The following ZFAT variants were observed in gnomAD, a reference collection of about 807,000 sequenced individuals.
ZFAT encodes zinc finger and AT-hook domain containing, also known as zinc finger protein ZFAT.
ZFAT carries 64 observed loss-of-function variants against 117.7 expected under a neutral mutation model. The observed-to-expected ratio is 0.54, with a 90% CI of 0.44 to 0.67. The LOEUF is 0.67. Among genes scored for constraint, ZFAT ranks in the 30% least tolerant of loss-of-function variants. The probability of loss-of-function intolerance (pLI) is 0.00; values close to 1 mark genes in which losing one functional copy is unlikely to be tolerated. For synonymous variants in ZFAT, 679 were observed against 615.0 expected (o/e 1.10, Z -1.54); for missense variants, 1,433 against 1,584.5 (o/e 0.90, Z 1.62).
At chr8:134,556,914 T>C (rs759448323) in intron 11 of ZFAT, among the ~76,000 whole-genome samples, 25 of 152,042 alleles carry the variant, frequency 1.6e-4, no homozygotes, top group Non-Finnish European at 3.4e-4. Context: ...AAAAATATTT[T>C]AATATTTTAA....
chr8:134,661,719 A>T (rs1257004738), intron 1 of ZFAT, among the ~76,000 whole-genome samples: 1 of 152,218 alleles, frequency 6.6e-6, no homozygotes, highest in African/African-American at 2.4e-5. Context: ...CCAAGCAGGC[A>T]TGACACCATC....
the ZFAT span, among the ~76,000 whole-genome samples, chr8:134,736,447 G>T: frequency 1.6e-4 from 25 of 152,186 alleles, no homozygotes; most frequent in South Asian, 2.1e-4. Flanking sequence ...CAACAAAGTT[G>T]TCATCTTTGT....
intron 12 of ZFAT, among the ~76,000 whole-genome samples, chr8:134,532,013 G>A (rs1037356261): frequency 4.6e-5 from 7 of 152,182 alleles, no homozygotes; most frequent in African/African-American, 1.4e-4. Context: ...GCAGCTAACT[G>A]TGTGCTGCAA....
chr8:134,599,171 G>C (rs1827202290), intron 7 of ZFAT: 1 of 152,292 alleles, frequency 6.6e-6, no homozygotes, highest in African/African-American at 2.4e-5. Flanking sequence ...TACTCAAAGA[G>C]AGAGAGACAG....
At chr8:134,523,528 T>C (rs571154537) in intron 12 of ZFAT, among the ~76,000 whole-genome samples, 5 of 152,310 alleles carry the variant, frequency 3.3e-5, no homozygotes, top group Admixed American at 1.3e-4. Flanking sequence ...TCCTCCACTG[T>C]TGGTCCACTT....
intron 15 of ZFAT, among the ~76,000 whole-genome samples, chr8:134,503,607 G>A (rs956474545): frequency 1.1e-4 from 16 of 152,178 alleles, no homozygotes; most frequent in African/African-American, 3.9e-4. Flanking sequence ...ACTGAATAAA[G>A]CAAATGGCCC....
intron 1 of ZFAT, among the ~76,000 whole-genome samples, chr8:134,670,164 C>A (rs1353533001): frequency 6.6e-6 from 1 of 152,218 alleles, no homozygotes; most frequent in Non-Finnish European, 1.5e-5. Flanking sequence ...GAGACTGTAA[C>A]ACCCCACTGT....
In ZFAT at chr8:134,565,079, G is replaced by A. The variant is rs1418050898; in HGVS notation, c.2976+254C>T. The A allele has an allele frequency of 2.1e-5, 31 of 1,459,602 alleles. 1 individual carries two copies. The highest frequency in any genetic ancestry group is 4.8e-5 in the South Asian group (4 of 82,538). 90.4% of individuals were successfully genotyped at this position (1,459,602 alleles called of 1,614,324 possible). On this transcript the variant is annotated intron_variant, in intron 11 of 15. Transcript: ENST00000377838. ...ACTCCAGTGCTTTTATGCAAAGATC[G>A]TGCCTTTTCTTCTGTCTGCATCCTC...
the ZFAT span, among the ~76,000 whole-genome samples, chr8:134,755,554 G>A: frequency 6.6e-6 from 1 of 151,956 alleles, no homozygotes; most frequent in South Asian, 2.1e-4. Context: ...GCTCATGCCT[G>A]TAATCCCCGC....
chr8:134,711,621 C>CA (rs1814001826), intron 1 of ZFAT, among the ~76,000 whole-genome samples: 1 of 151,880 alleles, frequency 6.6e-6, no homozygotes, highest in Non-Finnish European at 1.5e-5. Flanking sequence ...GACTCTGTCC[C>CA]AAAAAATTAA....
At chr8:134,556,256 C>A (rs1178524800) in intron 11 of ZFAT, among the ~76,000 whole-genome samples, 1 of 151,848 alleles carries the variant, frequency 6.6e-6, no homozygotes, top group Non-Finnish European at 1.5e-5. Flanking sequence ...ACTATACAAA[C>A]TGAAACATAA....
At chr8:134,546,357 C>A (rs1166411863) in intron 11 of ZFAT, among the ~76,000 whole-genome samples, 2 of 152,178 alleles carry the variant, frequency 1.3e-5, no homozygotes, top group Non-Finnish European at 1.5e-5. Flanking sequence ...AGCACTTCTG[C>A]AGCTGAGGAA....
intron 1 of ZFAT, among the ~76,000 whole-genome samples, chr8:134,671,117 T>A (rs574867035): frequency 2.0e-5 from 3 of 152,228 alleles, no homozygotes; most frequent in African/African-American, 7.2e-5. Context: ...ATTAATAGCA[T>A]ACCAACCAAA....
rs530280166 is a variant in ZFAT at position 134,652,375 on chromosome 8, T to A, written c.196+5186A>T. On this transcript the variant is annotated intron_variant, in intron 2 of 15. Transcript: ENST00000377838. Reference sequence around the variant, plus strand: ...GATTTCTTTACAAAGAAATCTAAAGTGTATTCTATAGCAGAAAAAAACTCA... The same window carrying A: ...GATTTCTTTACAAAGAAATCTAAAGAGTATTCTATAGCAGAAAAAAACTCA... 2.3e-3 allele frequency among the ~76,000 whole-genome samples: 354 copies of A among 152,250 alleles called. 1 individual carries two copies. Among genetic ancestry groups the A allele is most frequent in the African/African-American group, 8.2e-3 (342 of 41,528 alleles).
chr8:134,579,943 C>T (rs1825600994), intron 10 of ZFAT, among the ~76,000 whole-genome samples: 1 of 139,200 alleles, frequency 7.2e-6, no homozygotes, highest in Admixed American at 7.7e-5. Context: ...AAGTGAGACT[C>T]TGACACAGGG....
intron 1 of ZFAT, among the ~76,000 whole-genome samples, chr8:134,680,693 C>T (rs1371795203): frequency 2.6e-5 from 4 of 152,030 alleles, no homozygotes; most frequent in African/African-American, 4.8e-5. Context: ...TAGTTAGTTA[C>T]ATAAGATGTA....
At chr8:134,565,679 C>T (rs935752612) in intron 10 of ZFAT, 14 of 578,554 alleles carry the variant, frequency 2.4e-5, no homozygotes, top group African/African-American at 5.6e-5. Context: ...CAATGACATT[C>T]GATCAGGCTC....
At chr8:134,541,133 A>G (rs1295741357) in intron 11 of ZFAT, among the ~76,000 whole-genome samples, 1 of 152,196 alleles carries the variant, frequency 6.6e-6, no homozygotes, top group Admixed American at 6.5e-5. Flanking sequence ...ATAGCCATGC[A>G]TATAGTTTGA....
At chr8:134,560,898 C>G (rs563119668) in intron 11 of ZFAT, among the ~76,000 whole-genome samples, 1 of 152,346 alleles carries the variant, frequency 6.6e-6, no homozygotes, top group African/African-American at 2.4e-5. Context: ...TTAGAGAATC[C>G]TAGTTCAGCA....
Sources: gnomAD v4.1 joint callset for allele counts (sites outside exome capture counted in the v4.1 genomes callset) on GRCh38, gnomAD v4.1.1 for gene constraint, MANE v1.5 for transcripts, NCBI Gene and HGNC (gene_info 2026-07-23, HGNC 2026-07-21) for gene names.